Variants in NFIA observed in about 807,000 individuals in gnomAD.
NFIA encodes the protein nuclear factor 1 A-type.
A neutral mutation model predicts 62.8 loss-of-function variants in NFIA; 8 were observed. The ratio of observed to expected loss-of-function variants is 0.13; its 90% CI spans 0.07 to 0.23. The LOEUF (loss-of-function observed/expected upper bound fraction) is 0.23. Ranked by LOEUF, NFIA falls within the 10% of genes least tolerant of loss-of-function variation. NFIA has a pLI of 1.00. For synonymous variants in NFIA, 235 were observed against 238.1 expected, an observed-to-expected ratio of 0.99 and a Z score of 0.12; for missense variants, 410 against 642.1, an observed-to-expected ratio of 0.64 and a Z score of 3.91.
intron 4 of NFIA, among the ~76,000 whole-genome samples, chr1:61,344,768 T>G (rs1662123697): frequency 6.6e-6 from 1 of 152,246 alleles, no homozygotes; most frequent in Non-Finnish European, 1.5e-5. Flanking sequence ...TAATGCTCCC[T>G]GCTGACTTCC....
At chr1:61,175,423 T>A (rs1244398094) in intron 2 of NFIA, among the ~76,000 whole-genome samples, 1 of 152,218 alleles carries the variant, frequency 6.6e-6, no homozygotes, top group Admixed American at 6.5e-5. Context: ...ATTAGAGTCA[T>A]GAGCCACAGC....
At chr1:61,435,001 A>G (rs1041338618) in intron 10 of NFIA, among the ~76,000 whole-genome samples, 2 of 152,212 alleles carry the variant, frequency 1.3e-5, no homozygotes, top group Non-Finnish European at 2.9e-5. Flanking sequence ...ACTAGATCAA[A>G]AGTTGATGAT....
chr1:61,396,959 G>A lies in NFIA; in HGVS notation c.1076-7145G>A, dbSNP rs138682665. ...GGAGGTTGCAGTGAGCCGAGATTGCGCCACTGCACTCCATCCTAGGTGACA... is the reference window on the plus strand; with the variant it reads ...GGAGGTTGCAGTGAGCCGAGATTGCACCACTGCACTCCATCCTAGGTGACA... On this transcript the variant is annotated intron_variant, in intron 7 of 10. Coordinates refer to ENST00000403491, the MANE Select transcript of NFIA (RefSeq NM_001134673.4). Among the ~76,000 whole-genome samples, 730 of 151,720 alleles carry A rather than the reference G, an allele frequency of 4.8e-3. 2 individuals carry two copies. Among genetic ancestry groups the A allele is most frequent in the Non-Finnish European group, 7.0e-3 (475 of 67,944 alleles).
chr1:61,287,784 G>A (rs1385972383), intron 3 of NFIA, among the ~76,000 whole-genome samples: 1 of 152,078 alleles, frequency 6.6e-6, no homozygotes, highest in Non-Finnish European at 1.5e-5. Context: ...ACCAAGTTTT[G>A]TATTTTATCT....
chr1:61,086,881 T>C (rs1400830673), intron 1 of NFIA, among the ~76,000 whole-genome samples: 2 of 152,152 alleles, frequency 1.3e-5, no homozygotes, highest in Non-Finnish European at 2.9e-5. Context: ...TTTTATAATA[T>C]TTGTCTGTCC....
intron 5 of NFIA, among the ~76,000 whole-genome samples, chr1:61,358,553 T>A (rs1361288542): frequency 2.6e-5 from 4 of 151,908 alleles, no homozygotes; most frequent in African/African-American, 4.8e-5. Flanking sequence ...ACCCAGCTAA[T>A]TTTTGCACTT....
In NFIA at chr1:61,088,056, G is replaced by C; in HGVS notation, c.28-93G>C. 3.1e-6 allele frequency: 4 copies of C among 1,273,040 alleles called. No homozygotes were observed. Among genetic ancestry groups the C allele is most frequent in the Non-Finnish European group, 3.3e-6 (3 of 919,956 alleles). The allele number at this position is 1,273,040 out of a possible 1,614,324, so 78.9% of individuals were successfully genotyped here. A position where few individuals can be genotyped will look rare whatever the true frequency, so the allele number is the denominator to read the frequency against. On this transcript the variant is annotated intron_variant, in intron 1 of 10. Transcript: ENST00000403491. This position sits in a 1 kb window ranked among gnomAD's most constrained non-coding sequence, Gnocchi z 4.5. ...GCTCTAATCAAATTTCAAGTGAAATGAGGAATTTCTTTCTTAAGGTGACCC... is the reference window on the plus strand; with the variant it reads ...GCTCTAATCAAATTTCAAGTGAAATCAGGAATTTCTTTCTTAAGGTGACCC...
At chr1:61,326,351 A>T (rs1170620153) in intron 3 of NFIA, among the ~76,000 whole-genome samples, 3 of 152,178 alleles carry the variant, frequency 2.0e-5, no homozygotes, top group Non-Finnish European at 4.4e-5. Context: ...GTTTGGAGGG[A>T]ATATGTGGAT....
intron 2 of NFIA, among the ~76,000 whole-genome samples, chr1:61,093,957 T>C (rs973952422): frequency 7.9e-5 from 12 of 152,220 alleles, no homozygotes; most frequent in Non-Finnish European, 1.8e-4. Context: ...GGTTAAGGCC[T>C]CAAGCTGCTT....
intron 2 of NFIA, among the ~76,000 whole-genome samples, chr1:61,161,715 A>T (rs1367925766): frequency 6.6e-6 from 1 of 152,096 alleles, no homozygotes; most frequent in Non-Finnish European, 1.5e-5. Context: ...TTATGTGTGT[A>T]TGTGTATCCG....
chr1:61,111,845 A>T (rs1056615741), intron 2 of NFIA, among the ~76,000 whole-genome samples: 1 of 152,312 alleles, frequency 6.6e-6, no homozygotes, highest in East Asian at 1.9e-4. Context: ...ATAAAAAACC[A>T]AAAATGATGG....
upstream of NFIA, chr1:61,081,767 C>T (rs1241443027): frequency 2.2e-5 from 25 of 1,136,526 alleles, no homozygotes; most frequent in African/African-American, 7.8e-5. Flanking sequence ...CTTCTGAATG[C>T]CACAGGACCG....
chr1:61,417,108 G>T (rs1323439507), intron 9 of NFIA, among the ~76,000 whole-genome samples: 1 of 151,786 alleles, frequency 6.6e-6, no homozygotes, highest in Admixed American at 6.6e-5. Context: ...GTTCACCTTA[G>T]TTTTTTATTA....
At chr1:61,082,026 G>A (rs746406474), upstream of NFIA, 3 of 1,549,410 alleles carry the variant, frequency 1.9e-6, no homozygotes, top group Admixed American at 3.9e-5. Context: ...ACCTGGCAAA[G>A]TTGCCCAAGT....
intron 4 of NFIA, among the ~76,000 whole-genome samples, chr1:61,345,704 C>A (rs1662194014): frequency 6.6e-6 from 1 of 152,136 alleles, no homozygotes; most frequent in South Asian, 2.1e-4. Flanking sequence ...TGGGTTGCAG[C>A]CTCCTTATGA....
chr1:61,277,846 C>A (rs548043875), intron 3 of NFIA, among the ~76,000 whole-genome samples: 2 of 152,252 alleles, frequency 1.3e-5, no homozygotes, highest in South Asian at 4.1e-4. Flanking sequence ...GTTGATTACC[C>A]AATTAAACTA....
At chr1:61,157,508 CAG>C (rs1398774727) in intron 2 of NFIA, among the ~76,000 whole-genome samples, 1 of 152,154 alleles carries the variant, frequency 6.6e-6, no homozygotes, top group Non-Finnish European at 1.5e-5. Context: ...CCATTGGAAA[CAG>C]AGTATGTTGG....
intron 2 of NFIA, among the ~76,000 whole-genome samples, chr1:61,237,816 C>T (rs1655095876): frequency 6.6e-6 from 1 of 152,120 alleles, no homozygotes; most frequent in African/African-American, 2.4e-5. Context: ...ACTCATCTAC[C>T]TAGTAAGGGA....
At chr1:61,373,161 G>A (rs1663988458) in intron 6 of NFIA, among the ~76,000 whole-genome samples, 1 of 152,122 alleles carries the variant, frequency 6.6e-6, no homozygotes, top group Admixed American at 6.6e-5. Context: ...AAAGAATGGG[G>A]TTATTGAAGG....
Sources: gnomAD v4.1 joint callset for allele counts (sites outside exome capture counted in the v4.1 genomes callset) on GRCh38, gnomAD v4.1.1 for gene constraint, Gnocchi (gnomAD v3.1) non-coding constraint, MANE v1.5 for transcripts, NCBI Gene and HGNC (gene_info 2026-07-23, HGNC 2026-07-21) for gene names.